Variants in GUCD1 observed in about 807,000 individuals in gnomAD.
The protein encoded by GUCD1 is guanylyl cyclase domain containing 1, also known as protein GUCD1.
In GUCD1, 17 loss-of-function variants were observed where a neutral mutation model predicts 28.3. That is an observed-to-expected ratio of 0.60 (90% CI 0.41 to 0.90). The LOEUF is 0.90. Ranked by LOEUF, GUCD1 falls within the 40% of genes least tolerant of loss-of-function variation. The pLI is 0.00. For missense variants in GUCD1, 279 were observed against 305.5 expected (o/e 0.91, Z 0.65); for synonymous variants, 129 against 123.3 (o/e 1.05, Z -0.30).
intron 4 of GUCD1, among the ~76,000 whole-genome samples, chr22:24,545,595 C>T (rs1008984183): frequency 3.3e-5 from 5 of 150,792 alleles, no homozygotes; most frequent in African/African-American, 9.7e-5. Flanking sequence ...AATGGAGATC[C>T]CACCCCACTA....
chr22:24,555,833 C>G (rs1216144522), upstream of GUCD1: 5 of 1,544,058 alleles, frequency 3.2e-6, no homozygotes, highest in East Asian at 7.3e-5. Flanking sequence ...CATCAGCCCT[C>G]TTTTCCGGTG....
intron 4 of GUCD1, among the ~76,000 whole-genome samples, 176 bp from the exon 5 acceptor site, chr22:24,544,259 G>A (rs2044669175): frequency 6.6e-6 from 1 of 151,764 alleles, no homozygotes. Flanking sequence ...AGCCAAGCAG[G>A]AGACCGGTGG....
chr22:24,555,138 T>TGGGCCGCCCCAAGCGCCGCCC, upstream of GUCD1: 4 of 1,301,524 alleles, frequency 3.1e-6, no homozygotes, highest in Non-Finnish European at 3.9e-6. Context: ...AGGCGGCGGC[T>TGGGCCGCCCCAAGCGCCGCCC]GGGCCGCCCC....
chr22:24,554,924 A>C (rs765724870), intron 1 of GUCD1, 25 bp downstream of exon 1: 14 of 1,540,966 alleles, frequency 9.1e-6, no homozygotes, highest in Non-Finnish European at 1.2e-5. Flanking sequence ...TAGGGTGAAG[A>C]CTGGGCCCAC....
At chr22:24,552,838 C>T (rs956506232) in intron 1 of GUCD1, among the ~76,000 whole-genome samples, 5 of 151,916 alleles carry the variant, frequency 3.3e-5, no homozygotes, top group African/African-American at 7.3e-5. Context: ...CTCACTCTGT[C>T]GCCCAGGCTG....
chr22:24,555,689 G>A (rs2045043314), upstream of GUCD1: 2 of 1,550,522 alleles, frequency 1.3e-6, no homozygotes, highest in African/African-American at 1.4e-5. Flanking sequence ...TGCTGTCCCC[G>A]GTCTGAGGGC....
At chr22:24,546,877 T>A (rs1395829951) in intron 4 of GUCD1, 37 bp downstream of exon 4, 3 of 1,547,046 alleles carry the variant, frequency 1.9e-6, no homozygotes, top group Non-Finnish European at 2.7e-6. Context: ...TGAGCAGGCA[T>A]GAGAGGAAGG....
At chr22:24,553,993 A>G (rs1439393408) in intron 1 of GUCD1, among the ~76,000 whole-genome samples, 1 of 152,250 alleles carries the variant, frequency 6.6e-6, no homozygotes, top group East Asian at 1.9e-4. Flanking sequence ...GAGCTCAGTT[A>G]GTGGCTGTCA....
intron 1 of GUCD1, among the ~76,000 whole-genome samples, chr22:24,549,431 C>G (rs978372171): frequency 6.6e-6 from 1 of 152,174 alleles, no homozygotes; most frequent in Non-Finnish European, 1.5e-5. Flanking sequence ...CTCTCAGGCC[C>G]AGTGACCCAC....
At chr22:24,546,294 TGATTATACTACGTCAATAA>T (rs1300641491) in intron 4 of GUCD1, among the ~76,000 whole-genome samples, 1 of 152,168 alleles carries the variant, frequency 6.6e-6, no homozygotes, top group African/African-American at 2.4e-5. Context: ...ACCTATCATG[TGATTATACTACGTCAATAA>T]TGAAAATATA....
intron 4 of GUCD1, among the ~76,000 whole-genome samples, chr22:24,545,703 A>C (rs867896704): frequency 2.7e-5 from 4 of 150,608 alleles, no homozygotes; most frequent in Admixed American, 2.0e-4. Flanking sequence ...TCCTGGGTTC[A>C]TGCCATTCTC....
At chr22:24,543,619 G>A (rs1394222429) in intron 5 of GUCD1, among the ~76,000 whole-genome samples, 1 of 152,126 alleles carries the variant, frequency 6.6e-6, no homozygotes, top group East Asian at 1.9e-4. Flanking sequence ...AGGGAGGGGT[G>A]GCCAGGGTGT....
chr22:24,548,234 C>A (rs1447506958), intron 2 of GUCD1, among the ~76,000 whole-genome samples, 161 bp from the exon 3 acceptor site: 1 of 152,212 alleles, frequency 6.6e-6, no homozygotes, highest in East Asian at 1.9e-4. Context: ...ACTGCCCAGG[C>A]TGCTTGGGGC....
chr22:24,543,708 G>T, intron 5 of GUCD1, 134 bp downstream of exon 5: 1 of 1,152,268 alleles, frequency 8.7e-7, no homozygotes, highest in Non-Finnish European at 1.2e-6. Flanking sequence ...CCCAGGAGGA[G>T]CAGGGGCTTT....
chr22:24,555,436 C>T (rs978603595), upstream of GUCD1: 4 of 1,160,484 alleles, frequency 3.4e-6, no homozygotes, highest in African/African-American at 1.5e-5. Context: ...CCGCCTCTGC[C>T]GGGTCCCGCT....
Position 24,543,462 on chromosome 22 carries a change from G to A in GUCD1, c.629-365C>T, listed in dbSNP as rs551534682. 9.8e-5 allele frequency among the ~76,000 whole-genome samples: 15 copies of A among 152,352 alleles called. No individual in the cohort carries two copies. In the East Asian group the frequency reaches 2.3e-3, roughly 24 times the overall value. On this transcript the variant is annotated intron_variant, in intron 5 of 5. Transcript: ENST00000435822. ...CGGAGGGCAGTAGGCAGGCCAGGAT[G>A]GGTCTAGAGCAGGGGCTGGGTCTGG...
At position 24,542,761 on chromosome 22, in the gene GUCD1, T is replaced by C; in HGVS notation, c.*245A>G. 2.1e-6 allele frequency: 1 copy of C among 466,184 alleles called. No individual in the cohort carries two copies. Among genetic ancestry groups the C allele is most frequent in the Admixed American group, 3.4e-5 (1 of 29,438 alleles). 28.9% of individuals were successfully genotyped at this position (466,184 alleles called of 1,614,324 possible). On this transcript the variant is annotated 3_prime_UTR_variant, in exon 6 of 6. Transcript: ENST00000435822. ...CTGTGGGCGCAGCTGGAGTCAAGGC[T>C]TGGGGTCTTGGGGTATGCTTCCAGC...
At chr22:24,546,030 C>T (rs976130472) in intron 4 of GUCD1, among the ~76,000 whole-genome samples, 4 of 151,842 alleles carry the variant, frequency 2.6e-5, no homozygotes, top group Non-Finnish European at 4.4e-5. Context: ...GGCACTATCT[C>T]GGCTCACTGC....
intron 4 of GUCD1, among the ~76,000 whole-genome samples, chr22:24,546,456 G>A (rs1420126426): frequency 6.6e-6 from 1 of 152,180 alleles, no homozygotes; most frequent in Non-Finnish European, 1.5e-5. Flanking sequence ...GAGTCTTCCT[G>A]AATCCAGCCC....
Sources: gnomAD v4.1 joint callset for allele counts (sites outside exome capture counted in the v4.1 genomes callset) on GRCh38, gnomAD v4.1.1 for gene constraint, MANE v1.5 for transcripts, NCBI Gene and HGNC (gene_info 2026-07-23, HGNC 2026-07-21) for gene names.